ARHGAP20: variants seen among roughly 807,000 people sequenced by gnomAD.
ARHGAP20 encodes the protein Rho GTPase activating protein 20.
In ARHGAP20, 34 loss-of-function variants were observed where a neutral mutation model predicts 73.7. That is an observed-to-expected ratio of 0.46 (90% CI 0.35 to 0.61). The LOEUF (loss-of-function observed/expected upper bound fraction) is 0.61, where lower values mean the gene tolerates loss of function less well. Among genes scored for constraint, ARHGAP20 ranks in the 20% least tolerant of loss-of-function variants. The pLI is 0.00. For synonymous variants in ARHGAP20, 523 were observed against 518.2 expected (o/e 1.01, Z -0.13); for missense variants, 1,314 against 1,420.9 (o/e 0.92, Z 1.21).
chr11:110,709,051 T>G (rs140886000), intron 1 of ARHGAP20, among the ~76,000 whole-genome samples: 4 of 152,118 alleles, frequency 2.6e-5, no homozygotes, highest in Non-Finnish European at 5.9e-5. Context: ...CTCCCCTAAT[T>G]AGGAGAGAGG....
At position 110,578,627 on chromosome 11, in the gene ARHGAP20, G is replaced by T. The variant is rs1947349223; in HGVS notation, c.*743C>A. 1 of 985,434 alleles carries T rather than the reference G, an allele frequency of 1.0e-6. No individual in the cohort carries two copies. The highest frequency in any genetic ancestry group is 4.7e-5 in the South Asian group (1 of 21,282). 61.0% of individuals were successfully genotyped at this position (985,434 alleles called of 1,614,324 possible). On this transcript the variant is annotated 3_prime_UTR_variant, in exon 15 of 15. Coordinates refer to ENST00000683387, the MANE Select transcript of ARHGAP20 (RefSeq NM_001384657.1). ...CTTTGAAAGGGTACTGAAATGGGCA[G>T]CCATTTTCTTCTTTCTCCTCACAAC... is the stretch of plus-strand genomic sequence containing the variant.
intron 9 of ARHGAP20, among the ~76,000 whole-genome samples, chr11:110,597,115 G>C (rs1284502750): frequency 7.3e-6 from 1 of 137,586 alleles, no homozygotes; most frequent in Non-Finnish European, 1.6e-5. Flanking sequence ...ACAGGAAGGG[G>C]AACGTCACAC....
At chr11:110,712,056 G>C (rs1259683040) in intron 1 of ARHGAP20, 71 bp downstream of exon 1, 1 of 1,247,206 alleles carries the variant, frequency 8.0e-7, no homozygotes, top group East Asian at 3.2e-5. Context: ...GCTGTGGCGG[G>C]CGCGGAGGGC....
chr11:110,656,730 T>G (rs190620507), intron 2 of ARHGAP20, among the ~76,000 whole-genome samples: 1 of 152,222 alleles, frequency 6.6e-6, no homozygotes, highest in East Asian at 1.9e-4. Context: ...GCTCAGCCAC[T>G]GAGGTGGGCT....
chr11:110,703,039 C>T (rs1012094498), intron 1 of ARHGAP20, among the ~76,000 whole-genome samples: 1 of 152,042 alleles, frequency 6.6e-6, no homozygotes, highest in Non-Finnish European at 1.5e-5. Context: ...TACTTTTAAC[C>T]TTGCACCTTG....
chr11:110,649,201 CTTTTTTTTTT>C (rs869156175), intron 2 of ARHGAP20, among the ~76,000 whole-genome samples: 2 of 87,094 alleles, frequency 2.3e-5, no homozygotes, highest in African/African-American at 1.0e-4. Context: ...ATTATTAAAC[CTTTTTTTTTT>C]TTTTTTTTTT....
At chr11:110,659,008 C>G (rs533244821) in intron 2 of ARHGAP20, among the ~76,000 whole-genome samples, 7 of 151,784 alleles carry the variant, frequency 4.6e-5, no homozygotes, top group African/African-American at 1.5e-4. Context: ...TGAATAATGC[C>G]GCAATAAACA....
rs200315736 is a variant in ARHGAP20, at chr11:110,648,223, AT to A, written c.189-17432del. Among the ~76,000 whole-genome samples, 119 of 38,482 alleles carry A rather than the reference AT, an allele frequency of 3.1e-3. 3 individuals are homozygous for A. Among genetic ancestry groups the A allele is most frequent in the African/African-American group, 0.013 (48 of 3,840 alleles). 25.2% of individuals were successfully genotyped at this position (38,482 alleles called of 152,430 possible). A position where few individuals can be genotyped will look rare whatever the true frequency, so the allele number is the denominator to read the frequency against. ...TATATATATGTAAATATATATATGT[AT>A]ATATATATATATGTAAATATATATA... On this transcript the variant is annotated intron_variant, in intron 2 of 14. Transcript: ENST00000683387.
chr11:110,664,267 C>T (rs1368781816), intron 2 of ARHGAP20, among the ~76,000 whole-genome samples: 2 of 151,998 alleles, frequency 1.3e-5, no homozygotes, highest in Non-Finnish European at 2.9e-5. Flanking sequence ...ACATGGTAGT[C>T]TATGTGGAAA....
chr11:110,610,058 G>A lies in ARHGAP20; in HGVS notation c.709-1008C>T, dbSNP rs898831843. The stretch of plus-strand genomic sequence containing the variant: ...GAGGAGATTAATAATTTTATCCAAA[G>A]GAAAAGCATAGATAAAAGAATGAAT... On this transcript the variant is annotated intron_variant, in intron 7 of 14. Coordinates refer to ENST00000683387, the MANE Select transcript of ARHGAP20 (RefSeq NM_001384657.1). Among the ~76,000 whole-genome samples the A allele has an allele frequency of 2.0e-5, 3 of 151,896 alleles. No individual in the cohort carries two copies. The East Asian group carries it at 5.8e-4, about 29-fold the overall frequency.
At chr11:110,695,677 C>T (rs1264369635) in intron 1 of ARHGAP20, among the ~76,000 whole-genome samples, 1 of 151,538 alleles carries the variant, frequency 6.6e-6, no homozygotes, top group Non-Finnish European at 1.5e-5. Flanking sequence ...AAGATAATTA[C>T]AAGTGTTGGT....
intron 1 of ARHGAP20, chr11:110,711,585 G>A: frequency 1.4e-6 from 2 of 1,475,728 alleles, no homozygotes; most frequent in Non-Finnish European, 1.8e-6. Context: ...CCCGAAAACT[G>A]CTATGGAGCA....
chr11:110,696,743 G>A (rs1950343643), intron 1 of ARHGAP20, among the ~76,000 whole-genome samples: 1 of 151,546 alleles, frequency 6.6e-6, no homozygotes, highest in Non-Finnish European at 1.5e-5. Flanking sequence ...CCCTTTTGGA[G>A]TCTCCAGTGT....
intron 2 of ARHGAP20, among the ~76,000 whole-genome samples, chr11:110,651,128 T>G (rs1167055595): frequency 6.6e-6 from 1 of 152,182 alleles, no homozygotes; most frequent in Non-Finnish European, 1.5e-5. Flanking sequence ...AACCTGCTCC[T>G]GAATGACTCC....
At chr11:110,691,226 T>C (rs146440629) in intron 1 of ARHGAP20, among the ~76,000 whole-genome samples, 1 of 152,258 alleles carries the variant, frequency 6.6e-6, no homozygotes, top group Non-Finnish European at 1.5e-5. Context: ...ACGGTGGTAA[T>C]CTGTTCCAGT....
chr11:110,658,370 GC>G (rs1565462881), intron 2 of ARHGAP20, among the ~76,000 whole-genome samples: 1 of 152,110 alleles, frequency 6.6e-6, no homozygotes, highest in Non-Finnish European at 1.5e-5. Context: ...AGGGTCACAT[GC>G]TTTAGGAAAA....
At chr11:110,702,797 G>C (rs1265731884) in intron 1 of ARHGAP20, among the ~76,000 whole-genome samples, 3 of 152,076 alleles carry the variant, frequency 2.0e-5, no homozygotes, top group Admixed American at 6.6e-5. Flanking sequence ...GCTTCAAAGA[G>C]AATAAAATAC....
At chr11:110,692,023 C>T (rs973653985) in intron 1 of ARHGAP20, among the ~76,000 whole-genome samples, 1 of 152,038 alleles carries the variant, frequency 6.6e-6, no homozygotes, top group African/African-American at 2.4e-5. Flanking sequence ...AGAAACAGCC[C>T]GGAGTTATCA....
chr11:110,712,232 G>A lies in ARHGAP20; in HGVS notation c.-1C>T. 3.0e-6 allele frequency: 4 copies of A among 1,346,210 alleles called. No homozygotes were observed. Among genetic ancestry groups the A allele is most frequent in the Non-Finnish European group, 3.8e-6 (4 of 1,040,176 alleles). 83.4% of individuals were successfully genotyped at this position (1,346,210 alleles called of 1,614,324 possible). ...CCTGCTGGGGGGACATCGCTTCCATGAAGAAAATCTTCAAACAAATCCCAG... is the reference window on the plus strand; with the variant it reads ...CCTGCTGGGGGGACATCGCTTCCATAAAGAAAATCTTCAAACAAATCCCAG... On this transcript the variant is annotated 5_prime_UTR_variant, in exon 1 of 15. Coordinates refer to ENST00000683387, the MANE Select transcript of ARHGAP20 (RefSeq NM_001384657.1).
Sources: allele counts gnomAD v4.1 joint callset (sites outside exome capture counted in the v4.1 genomes callset), GRCh38; gene constraint gnomAD v4.1.1; transcripts MANE v1.5; gene names NCBI Gene and HGNC (gene_info 2026-07-23, HGNC 2026-07-21).